Variants in HS6ST3 observed in about 807,000 individuals in gnomAD.
The protein encoded by HS6ST3 is heparan-sulfate 6-O-sulfotransferase 3.
HS6ST3 carries 12 observed loss-of-function variants against 36.7 expected under a neutral mutation model. The ratio of observed to expected loss-of-function variants is 0.33; its 90% CI spans 0.21 to 0.53. The LOEUF (loss-of-function observed/expected upper bound fraction) is 0.53, where lower values mean the gene tolerates loss of function less well. HS6ST3 is among the 20% of genes least tolerant of loss of function. The pLI is 0.95. For missense variants in HS6ST3, 584 were observed against 640.9 expected (o/e 0.91, Z 0.96); for synonymous variants, 240 against 257.5 (o/e 0.93, Z 0.65).
chr13:96,435,306 CT>C (rs975479359), intron 1 of HS6ST3, among the ~76,000 whole-genome samples: 5 of 152,026 alleles, frequency 3.3e-5, no homozygotes, highest in African/African-American at 1.2e-4. Context: ...ATAGAAGTGT[CT>C]TCATTCCCTT....
At chr13:96,334,034 C>T (rs1005895561) in intron 1 of HS6ST3, among the ~76,000 whole-genome samples, 6 of 152,064 alleles carry the variant, frequency 3.9e-5, no homozygotes, top group Admixed American at 3.9e-4. Context: ...GGTGGGTACA[C>T]TGTGGCCCAG....
At chr13:96,373,421 A>G (rs111742051) in intron 1 of HS6ST3, among the ~76,000 whole-genome samples, 1,566 of 152,320 alleles carry the variant, frequency 0.01, 14 homozygotes, top group South Asian at 0.017. Flanking sequence ...CTATATATGT[A>G]TTTTGTTAAA....
At chr13:96,716,383 T>C (rs1363496642) in intron 1 of HS6ST3, among the ~76,000 whole-genome samples, 2 of 152,144 alleles carry the variant, frequency 1.3e-5, no homozygotes, top group South Asian at 2.1e-4. Flanking sequence ...AATCTTTGGC[T>C]TTATATTAAA....
At chr13:96,797,004 A>C (rs112065802) in intron 1 of HS6ST3, among the ~76,000 whole-genome samples, 4,478 of 152,200 alleles carry the variant, frequency 0.029, 99 homozygotes, top group Middle Eastern at 0.078. Flanking sequence ...TAGGCTGAGG[A>C]CATCTGCCAC....
At chr13:96,740,516 A>C (rs771974597) in intron 1 of HS6ST3, among the ~76,000 whole-genome samples, 2 of 152,212 alleles carry the variant, frequency 1.3e-5, no homozygotes, top group Non-Finnish European at 2.9e-5. Context: ...TAAAATCTCA[A>C]CTATAAGTTG....
intron 1 of HS6ST3, among the ~76,000 whole-genome samples, chr13:96,822,805 A>G (rs567678764): frequency 1.3e-5 from 2 of 152,350 alleles, no homozygotes; most frequent in South Asian, 4.1e-4. Flanking sequence ...AGGACTGCCA[A>G]TGAATATAAT....
In HS6ST3 at chr13:96,837,680, A is replaced by G. The variant is rs1878961886; in HGVS notation, c.*4482A>G. On this transcript the variant is annotated 3_prime_UTR_variant, in exon 2 of 2. Coordinates refer to ENST00000376705, the MANE Select transcript of HS6ST3 (RefSeq NM_153456.4). The stretch of plus-strand genomic sequence containing the variant: ...TTATTAGGAATGAAATATCCAAGAG[A>G]TGGGCGGTGCTGCAGGGGAGACCAA... 1 of 152,122 alleles carries G rather than the reference A, an allele frequency of 6.6e-6. No individual in the cohort carries two copies. Among genetic ancestry groups the G allele is most frequent in the Non-Finnish European group, 1.5e-5 (1 of 68,036 alleles). The allele number at this position is 152,122 out of a possible 1,614,324, so 9.4% of individuals were successfully genotyped here. A position where few individuals can be genotyped will look rare whatever the true frequency, so the allele number is the denominator to read the frequency against.
At chr13:96,610,876 A>C (rs2138988442) in intron 1 of HS6ST3, among the ~76,000 whole-genome samples, 2 of 151,680 alleles carry the variant, frequency 1.3e-5, no homozygotes, top group Middle Eastern at 3.4e-3. Context: ...AAAAAACAAA[A>C]CAACCCCACA....
intron 1 of HS6ST3, among the ~76,000 whole-genome samples, chr13:96,615,412 C>T (rs571770834): frequency 5.9e-5 from 9 of 152,266 alleles, no homozygotes; most frequent in African/African-American, 2.2e-4. Context: ...GTCAGGGCAC[C>T]ATGCAAGATT....
intron 1 of HS6ST3, among the ~76,000 whole-genome samples, chr13:96,329,070 C>CTT (rs1220958953): frequency 6.6e-6 from 1 of 150,408 alleles, no homozygotes; most frequent in Non-Finnish European, 1.5e-5. Context: ...ATTCTTCTCT[C>CTT]TTTTTTTCTT....
chr13:96,098,930 CAT>C (rs1458516869), intron 1 of HS6ST3, among the ~76,000 whole-genome samples: 3 of 152,076 alleles, frequency 2.0e-5, no homozygotes, highest in Non-Finnish European at 4.4e-5. Flanking sequence ...TCATCTCATG[CAT>C]ATATGTTTGT....
chr13:96,329,249 T>C (rs1438560059), intron 1 of HS6ST3, among the ~76,000 whole-genome samples: 3 of 147,074 alleles, frequency 2.0e-5, no homozygotes, highest in Non-Finnish European at 3.0e-5. Flanking sequence ...GCTCTTGCTT[T>C]TCTAGTTCTT....
intron 1 of HS6ST3, among the ~76,000 whole-genome samples, chr13:96,749,172 C>T (rs1876634824): frequency 6.6e-6 from 1 of 152,064 alleles, no homozygotes; most frequent in Non-Finnish European, 1.5e-5. Flanking sequence ...TGCAAATATG[C>T]TCTGTCTTCA....
At chr13:96,533,060 T>A (rs1053517303) in intron 1 of HS6ST3, among the ~76,000 whole-genome samples, 2 of 152,208 alleles carry the variant, frequency 1.3e-5, no homozygotes, top group African/African-American at 4.8e-5. Context: ...GCATACTTAA[T>A]GTGATTTTCT....
At chr13:96,284,084 A>G (rs936855305) in intron 1 of HS6ST3, among the ~76,000 whole-genome samples, 1 of 152,168 alleles carries the variant, frequency 6.6e-6, no homozygotes, top group Non-Finnish European at 1.5e-5. Flanking sequence ...GAATTGTGGG[A>G]CCAGCTTCCT....
At chr13:96,674,725 G>A (rs1445275596) in intron 1 of HS6ST3, among the ~76,000 whole-genome samples, 1 of 152,120 alleles carries the variant, frequency 6.6e-6, no homozygotes, top group Non-Finnish European at 1.5e-5. Context: ...CCAGTTCTGA[G>A]CCTTTTTGTG....
chr13:96,254,494 TATATACACATACATAC>T (rs1476489576), intron 1 of HS6ST3, among the ~76,000 whole-genome samples: 1,300 of 21,878 alleles, frequency 0.059, 147 homozygotes, highest in Non-Finnish European at 0.076. Flanking sequence ...TATATATATA[TATATACACATACATAC>T]ACACACACAC....
chr13:96,609,264 C>T (rs114776026), intron 1 of HS6ST3, among the ~76,000 whole-genome samples: 1,655 of 152,172 alleles, frequency 0.011, 23 homozygotes, highest in African/African-American at 0.025. Context: ...GCCACCACGG[C>T]CGGCCTCTTT....
At chr13:96,569,767 G>A (rs944090081) in intron 1 of HS6ST3, among the ~76,000 whole-genome samples, 6 of 152,286 alleles carry the variant, frequency 3.9e-5, no homozygotes, top group Admixed American at 3.9e-4. Flanking sequence ...TCTTTAAATA[G>A]GGAATGTGGG....
Sources: gnomAD v4.1 joint callset for allele counts (sites outside exome capture counted in the v4.1 genomes callset) on GRCh38, gnomAD v4.1.1 for gene constraint, MANE v1.5 for transcripts, NCBI Gene and HGNC (gene_info 2026-07-23, HGNC 2026-07-21) for gene names.